The following GNA12 variants were observed in gnomAD, a reference collection of about 807,000 sequenced individuals.
GNA12 encodes G protein subunit alpha 12, also known as guanine nucleotide-binding protein subunit alpha-12.
A neutral mutation model predicts 26.0 loss-of-function variants in GNA12; 9 were observed. The ratio of observed to expected loss-of-function variants is 0.35; its 90% CI spans 0.21 to 0.60. GNA12 has a LOEUF of 0.60. Among genes scored for constraint, GNA12 ranks in the 20% least tolerant of loss-of-function variants. GNA12 has a pLI of 0.78. For synonymous variants in GNA12, 264 were observed against 219.6 expected (o/e 1.20, Z -1.79); for missense variants, 405 against 525.8 (o/e 0.77, Z 2.25).
Position 2,731,096 on chromosome 7 carries a change from G to C in GNA12, c.*85C>G. ...GCACGGATCCGAGAAACCCACTCAA[G>C]GACCACACAGACAACACACACCCAA... On this transcript the variant is annotated 3_prime_UTR_variant, in exon 4 of 4. Coordinates refer to ENST00000275364, the MANE Select transcript of GNA12 (RefSeq NM_007353.3). This position sits in a 1 kb window ranked among gnomAD's most constrained non-coding sequence, Gnocchi z 6.0. 1 of 905,828 alleles carries C rather than the reference G, an allele frequency of 1.1e-6. No homozygotes were observed. Among genetic ancestry groups the C allele is most frequent in the Non-Finnish European group, 1.7e-6 (1 of 581,130 alleles). 56.1% of individuals were successfully genotyped at this position (905,828 alleles called of 1,614,324 possible). A position where few individuals can be genotyped will look rare whatever the true frequency, so the allele number is the denominator to read the frequency against.
At chr7:2,754,061 C>T (rs558894959) in intron 2 of GNA12, among the ~76,000 whole-genome samples, 3 of 152,232 alleles carry the variant, frequency 2.0e-5, no homozygotes, top group African/African-American at 4.8e-5. Context: ...TTTTCCAGAA[C>T]GGTTGTACCC....
At chr7:2,815,051 G>A (rs1224521069) in intron 1 of GNA12, 4 of 1,478,262 alleles carry the variant, frequency 2.7e-6, no homozygotes, top group Non-Finnish European at 3.6e-6. Flanking sequence ...GCCACCAAGC[G>A]CCGCCACTGT....
At chr7:2,768,656 G>A (rs750559569) in intron 2 of GNA12, among the ~76,000 whole-genome samples, 12 of 143,000 alleles carry the variant, frequency 8.4e-5, no homozygotes, top group Middle Eastern at 3.9e-3. Flanking sequence ...AGGTGAATAT[G>A]CTCTCAAGGT....
rs1271264893 is a variant in GNA12 at position 2,795,021 on chromosome 7, C to T, written c.432G>A (p.Pro144=). 8.1e-6 allele frequency: 13 copies of T among 1,614,146 alleles called. No individual in the cohort carries two copies. Among genetic ancestry groups the T allele is most frequent in the Admixed American group, 1.7e-5 (1 of 60,028 alleles). ...FENKAGLPVE[P]ATFQLYVPAL... is the part of the protein sequence containing the mutation. ...CCGGGACGTACAGCTGGAAGGTGGC[C>T]GGCTCCACAGGCAGCCCCGCCTTGT... Residue 144 remains proline, a synonymous_variant, in exon 2 of 4, where the codon CCG becomes CCA. Coordinates refer to ENST00000275364, the MANE Select transcript of GNA12 (RefSeq NM_007353.3).
rs143739019 is a variant in GNA12, at chr7:2,833,792, G to A, written c.309+10061C>T. Reference sequence around the variant, plus strand: ...TATGCTTCTGCCGCCACGCAAACCCGCCGCAGCATCAAGCCTAAAGAGGCA... The same window carrying A: ...TATGCTTCTGCCGCCACGCAAACCCACCGCAGCATCAAGCCTAAAGAGGCA... On this transcript the variant is annotated intron_variant, in intron 1 of 3. Transcript: ENST00000275364. Among the ~76,000 whole-genome samples the A allele has an allele frequency of 2.0e-3, 299 of 152,136 alleles. 1 individual carries two copies. The highest frequency in any genetic ancestry group is 3.5e-3 in the Non-Finnish European group (238 of 68,012).
At chr7:2,840,686 C>T (rs1778966159) in intron 1 of GNA12, among the ~76,000 whole-genome samples, 1 of 152,048 alleles carries the variant, frequency 6.6e-6, no homozygotes, top group Non-Finnish European at 1.5e-5. Context: ...TAGTGAGACC[C>T]CATCTCTACA....
In GNA12 at chr7:2,803,272, G is replaced by T. The variant is rs1223959699; in HGVS notation, c.310-8129C>A. 2.0e-5 allele frequency among the ~76,000 whole-genome samples: 3 copies of T among 152,182 alleles called. No homozygotes were observed. The East Asian group carries it at 5.8e-4, about 29-fold the overall frequency. The stretch of plus-strand genomic sequence containing the variant: ...AGGACAGCCAGAATCGCCACCGCTG[G>T]TGAGGCCTCGCTCACAGACAGGCTG... On this transcript the variant is annotated intron_variant, in intron 1 of 3. Transcript: ENST00000275364.
At chr7:2,797,794 G>C (rs1225281523) in intron 1 of GNA12, among the ~76,000 whole-genome samples, 2 of 152,154 alleles carry the variant, frequency 1.3e-5, no homozygotes, top group South Asian at 2.1e-4. Context: ...TCTGCCGTTG[G>C]AGACCATGCC....
chr7:2,818,466 T>A (rs943381154), intron 1 of GNA12, among the ~76,000 whole-genome samples: 2 of 152,064 alleles, frequency 1.3e-5, no homozygotes, highest in African/African-American at 4.8e-5. Flanking sequence ...ATACAACTTA[T>A]AATAAAGAAC....
chr7:2,785,012 C>T (rs1174411066), intron 2 of GNA12, among the ~76,000 whole-genome samples: 1 of 152,164 alleles, frequency 6.6e-6, no homozygotes, highest in Non-Finnish European at 1.5e-5. Flanking sequence ...ATACTTAACA[C>T]TTCATTTTTT....
intron 1 of GNA12, among the ~76,000 whole-genome samples, chr7:2,824,006 G>A (rs770699232): frequency 2.0e-5 from 3 of 152,154 alleles, no homozygotes; most frequent in Non-Finnish European, 4.4e-5. Context: ...TCAAAACATG[G>A]TTCCTAAAAG....
At chr7:2,828,953 G>T (rs1345537783) in intron 1 of GNA12, among the ~76,000 whole-genome samples, 2 of 152,072 alleles carry the variant, frequency 1.3e-5, no homozygotes, top group Non-Finnish European at 2.9e-5. Flanking sequence ...TCTGCCTGCA[G>T]TCCCAGCTAC....
At position 2,794,941 on chromosome 7, in the gene GNA12, C is replaced by T. The variant is rs142768832; in HGVS notation, c.512G>A (p.Ser171Asn). 1.7e-5 allele frequency: 27 copies of T among 1,613,716 alleles called. No individual in the cohort carries two copies. The African/African-American group carries it at 2.7e-4, about 16-fold the overall frequency. ...CTACTCACTCACCAGCTGAAACTCG[C>T]TTCTCCGGCTGAAAGCCTCCCTGAT... ...SGIREAFSRR[S>N]EFQLGESVKY... The change falls in exon 2 of 4, where the codon AGC (serine) becomes AAC (asparagine). Residue 171 changes from serine (S) to asparagine (N), a missense_variant. Coordinates refer to ENST00000275364, the MANE Select transcript of GNA12 (RefSeq NM_007353.3).
intron 2 of GNA12, among the ~76,000 whole-genome samples, chr7:2,774,328 G>C (rs188663491): frequency 6.6e-6 from 1 of 152,136 alleles, no homozygotes; most frequent in African/African-American, 2.4e-5. Flanking sequence ...AATGAAATAG[G>C]GAAAGGTAAT....
intron 2 of GNA12, among the ~76,000 whole-genome samples, chr7:2,788,892 C>G (rs1343795071): frequency 6.6e-6 from 1 of 152,140 alleles, no homozygotes; most frequent in African/African-American, 2.4e-5. Flanking sequence ...GTGATCTCTG[C>G]TCACTGCAAC....
At chr7:2,815,396 G>A (rs142655705) in intron 1 of GNA12, 1 of 180,700 alleles carries the variant, frequency 5.5e-6, no homozygotes, top group Non-Finnish European at 1.2e-5. Context: ...TCGCATTTTT[G>A]AAACACTAAA....
chr7:2,816,169 C>T (rs2527691), intron 1 of GNA12, among the ~76,000 whole-genome samples: 145,793 of 152,236 alleles, frequency 0.96, 69,882 homozygotes, highest in East Asian at 1. Context: ...AGTAATGTGA[C>T]GGTGGAAAGA....
chr7:2,789,960 G>C (rs1026043709), intron 2 of GNA12, among the ~76,000 whole-genome samples: 7 of 152,238 alleles, frequency 4.6e-5, no homozygotes, highest in African/African-American at 1.4e-4. Flanking sequence ...CTCTGGTTAA[G>C]CCAGTTTGAG....
chr7:2,827,653 C>CTT (rs1279352083), intron 1 of GNA12, among the ~76,000 whole-genome samples: 1 of 152,134 alleles, frequency 6.6e-6, no homozygotes, highest in Non-Finnish European at 1.5e-5. Context: ...ACTGCAGTGA[C>CTT]ACCAGGACAT....
Sources: allele counts gnomAD v4.1 joint callset (sites outside exome capture counted in the v4.1 genomes callset), GRCh38; gene constraint gnomAD v4.1.1; non-coding constraint Gnocchi (gnomAD v3.1); transcripts MANE v1.5; gene names NCBI Gene and HGNC (gene_info 2026-07-23, HGNC 2026-07-21).